The following ADA2 variants were observed in gnomAD, a reference collection of about 807,000 sequenced individuals.
ADA2 encodes adenosine deaminase CECR1.
A neutral mutation model predicts 44.2 loss-of-function variants in ADA2; 29 were observed. The observed-to-expected ratio is 0.66, with a 90% CI of 0.49 to 0.89. ADA2 has a LOEUF of 0.89. Among genes scored for constraint, ADA2 ranks in the 40% least tolerant of loss-of-function variants. The pLI is 0.00. For missense variants in ADA2, 637 were observed against 644.8 expected (o/e 0.99, Z 0.13); for synonymous variants, 215 against 234.9 (o/e 0.92, Z 0.77).
chr22:17,189,304 C>A (rs1482598152), intron 6 of ADA2, among the ~76,000 whole-genome samples: 5 of 152,116 alleles, frequency 3.3e-5, no homozygotes, highest in Non-Finnish European at 7.3e-5. Context: ...AGCCACTGCA[C>A]CCGGCCTAGA....
chr22:17,188,863 C>CAAAAAAAAAAAAAAAAAAAAAAAAAAAA (rs371138653), intron 6 of ADA2: 10 of 26,758 alleles, frequency 3.7e-4, no homozygotes, highest in Admixed American at 9.4e-4. Flanking sequence ...TGGCCAAGAG[C>CAAAAAAAAAAAAAAAAAAAAAAAAAAAA]AAAAAATATA....
At chr22:17,192,958 A>G in intron 4 of ADA2, 1 of 607,400 alleles carries the variant, frequency 1.6e-6, no homozygotes. Context: ...AGAACCAAAA[A>G]GTTCATCTGG....
chr22:17,219,918 C>T (rs1367260488), upstream of ADA2, among the ~76,000 whole-genome samples: 5 of 151,942 alleles, frequency 3.3e-5, no homozygotes, highest in Admixed American at 2.6e-4. Context: ...TCAGGTGATC[C>T]GCCCACCTCG....
intron 4 of ADA2, chr22:17,199,556 C>T (rs771792628): frequency 1.2e-6 from 2 of 1,608,798 alleles, no homozygotes; most frequent in East Asian, 4.5e-5. Context: ...TACCAGAGCC[C>T]AGTTCCATTC....
At position 17,190,055 on chromosome 22, in the gene ADA2, A is replaced by G. The variant is rs2231491; in HGVS notation, c.882-23T>C. The stretch of plus-strand genomic sequence containing the variant: ...GATCTGTGAGACAGACAGAGAAGCC[A>G]GGAGACAGTGCCCAGCACCGACAGA... On this transcript the variant is annotated intron_variant, in intron 5 of 9. Transcript: ENST00000399837. The G allele has an allele frequency of 5.4e-4, 842 of 1,563,508 alleles. 3 individuals carry two copies. The African/African-American group carries it at 0.01, about 19-fold the overall frequency.
intron 3 of ADA2, 41 bp downstream of exon 3, chr22:17,207,030 A>C: frequency 6.6e-7 from 1 of 1,524,426 alleles, no homozygotes; most frequent in Non-Finnish European, 9.1e-7. Context: ...CTGCCACCCC[A>C]TGACAGGCCT....
At chr22:17,182,505 A>G (rs2061983755) in intron 8 of ADA2, 99 bp downstream of exon 8, 1 of 1,182,864 alleles carries the variant, frequency 8.5e-7, no homozygotes, top group Non-Finnish European at 1.2e-6. Flanking sequence ...AGGTAACAAG[A>G]GAGTTAAGGA....
intron 2 of ADA2, among the ~76,000 whole-genome samples, 162 bp downstream of exon 2, chr22:17,209,191 TCAA>T (rs2062389927): frequency 6.6e-6 from 1 of 152,006 alleles, no homozygotes; most frequent in Admixed American, 6.6e-5. Flanking sequence ...GTTTTGGTTT[TCAA>T]CACCCTTTTC....
At chr22:17,208,133 GA>G (rs911659991) in intron 2 of ADA2, among the ~76,000 whole-genome samples, 8 of 150,464 alleles carry the variant, frequency 5.3e-5, no homozygotes, top group African/African-American at 1.7e-4. Context: ...AACATTAAAA[GA>G]AAAAAAAACA....
intron 4 of ADA2, among the ~76,000 whole-genome samples, chr22:17,200,617 G>A (rs1261566314): frequency 3.3e-5 from 5 of 152,032 alleles, no homozygotes; most frequent in South Asian, 2.1e-4. Context: ...GGAAAAGGCC[G>A]GGCATGGTGG....
At chr22:17,209,214 C>A in intron 2 of ADA2, 142 bp downstream of exon 2, 1 of 708,670 alleles carries the variant, frequency 1.4e-6, no homozygotes, top group South Asian at 1.9e-5. Context: ...CCTAGTCTAC[C>A]CATAAGGACA....
At chr22:17,201,213 AAG>A (rs2062282759) in intron 4 of ADA2, among the ~76,000 whole-genome samples, 1 of 149,930 alleles carries the variant, frequency 6.7e-6, no homozygotes, top group South Asian at 2.1e-4. Context: ...AAAAAAAAAA[AAG>A]AAGAAGAAGA....
chr22:17,212,889 C>A (rs139220896), intron 1 of ADA2, among the ~76,000 whole-genome samples: 1 of 151,534 alleles, frequency 6.6e-6, no homozygotes, highest in Non-Finnish European at 1.5e-5. Flanking sequence ...GGCAACCTCC[C>A]GGCTTCAAGG....
chr22:17,189,836 C>A, intron 6 of ADA2, 106 bp downstream of exon 6: 1 of 769,198 alleles, frequency 1.3e-6, no homozygotes, highest in Admixed American at 2.1e-5. Flanking sequence ...GTCAGGGTAC[C>A]AACAGGCACA....
intron 2 of ADA2, 71 bp downstream of exon 2, chr22:17,209,285 G>A: frequency 7.9e-7 from 1 of 1,261,550 alleles, no homozygotes; most frequent in Non-Finnish European, 1.1e-6. Flanking sequence ...ACAGCCACAA[G>A]CACAGTAATA....
intron 1 of ADA2, among the ~76,000 whole-genome samples, chr22:17,210,312 T>A (rs756017497): frequency 6.6e-6 from 1 of 151,560 alleles, no homozygotes; most frequent in Non-Finnish European, 1.5e-5. Flanking sequence ...TGCCTCAGCC[T>A]CCCAAATAGC....
At chr22:17,213,205 A>T (rs1436090544) in intron 1 of ADA2, among the ~76,000 whole-genome samples, 1 of 152,162 alleles carries the variant, frequency 6.6e-6, no homozygotes, top group East Asian at 1.9e-4. Flanking sequence ...GCTGGTGAGG[A>T]TGTAGAGAAA....
chr22:17,193,772 G>T (rs2062154523), intron 4 of ADA2, among the ~76,000 whole-genome samples: 1 of 151,926 alleles, frequency 6.6e-6, no homozygotes, highest in African/African-American at 2.4e-5. Flanking sequence ...TACTTCCATG[G>T]CATCAGTTAA....
upstream of ADA2, chr22:17,219,505 G>A (rs985544491): frequency 3.3e-5 from 5 of 152,332 alleles, no homozygotes; most frequent in African/African-American, 1.2e-4. Flanking sequence ...AGAGGCCGGG[G>A]AGAGGGGCTC....
Sources: allele counts gnomAD v4.1 joint callset (sites outside exome capture counted in the v4.1 genomes callset), GRCh38; gene constraint gnomAD v4.1.1; transcripts MANE v1.5; gene names NCBI Gene and HGNC (gene_info 2026-07-23, HGNC 2026-07-21).